TESC: variants seen among roughly 807,000 people sequenced by gnomAD.
The protein encoded by TESC is tescalcin, also known as calcineurin B homologous protein 3.
Under a neutral mutation model 31.0 loss-of-function variants are expected in TESC, and 19 were observed. That is an observed-to-expected ratio of 0.61 (90% confidence interval 0.43 to 0.90). The LOEUF is 0.90. Ranked by LOEUF, TESC falls within the 40% of genes least tolerant of loss-of-function variation. The pLI, the probability that TESC is intolerant of heterozygous loss-of-function variation, is 0.00. For missense variants in TESC, 248 were observed against 303.8 expected, an observed-to-expected ratio of 0.82 and a Z score of 1.36; for synonymous variants, 109 against 114.8, an observed-to-expected ratio of 0.95 and a Z score of 0.32.
intron 1 of TESC, among the ~76,000 whole-genome samples, chr12:117,083,304 C>T (rs1955173724): frequency 6.6e-6 from 1 of 152,180 alleles, no homozygotes; most frequent in Admixed American, 6.5e-5. Context: ...GCCTTGAACT[C>T]CTGATCTGAG....
At chr12:117,065,961 C>T (rs965203999) in intron 2 of TESC, among the ~76,000 whole-genome samples, 1 of 152,112 alleles carries the variant, frequency 6.6e-6, no homozygotes, top group African/African-American at 2.4e-5. Context: ...AAACCCAAGT[C>T]ATCACTAGGG....
chr12:117,064,470 C>T (rs1171065287), intron 2 of TESC, among the ~76,000 whole-genome samples: 1 of 152,216 alleles, frequency 6.6e-6, no homozygotes, highest in Non-Finnish European at 1.5e-5. Flanking sequence ...ATGTCAGTCC[C>T]CCACTTTCCC....
At chr12:117,061,762 G>A (rs1325854513) in intron 2 of TESC, among the ~76,000 whole-genome samples, 7 of 152,176 alleles carry the variant, frequency 4.6e-5, no homozygotes, top group African/African-American at 7.2e-5. Context: ...TGTGAGATGG[G>A]TGCAGACCTA....
At chr12:117,059,109 G>C (rs949907437) in intron 2 of TESC, among the ~76,000 whole-genome samples, 3 of 152,256 alleles carry the variant, frequency 2.0e-5, no homozygotes, top group African/African-American at 7.2e-5. Context: ...CGGGTGGGAA[G>C]TGATGACGGG....
chr12:117,072,476 C>A lies in TESC; in HGVS notation c.128+2795G>T, dbSNP rs141332263. On this transcript the variant is annotated intron_variant, in intron 2 of 7. Coordinates refer to ENST00000335209, the MANE Select transcript of TESC (RefSeq NM_017899.4). ...GCTCAGAGAAAGGAAGTAACCAGCC[C>A]GAAGCCACAAAGCCAATGGCATGAA... Among the ~76,000 whole-genome samples the A allele has an allele frequency of 5.7e-3, 863 of 152,250 alleles. 5 individuals are homozygous for A. The highest frequency in any genetic ancestry group is 0.019 in the African/African-American group (794 of 41,540).
At chr12:117,091,352 C>T (rs1445160419) in intron 1 of TESC, among the ~76,000 whole-genome samples, 8 of 152,224 alleles carry the variant, frequency 5.3e-5, no homozygotes, top group African/African-American at 1.9e-4. Flanking sequence ...TCCTAAAGTG[C>T]TTTGCAAAGG....
chr12:117,041,404 C>A (rs977010697), intron 7 of TESC, among the ~76,000 whole-genome samples: 1 of 152,028 alleles, frequency 6.6e-6, no homozygotes, highest in Non-Finnish European at 1.5e-5. Flanking sequence ...GCAATCTCAG[C>A]TTACTGCAAC....
At chr12:117,041,487 C>T (rs1371003868) in intron 7 of TESC, among the ~76,000 whole-genome samples, 1 of 152,162 alleles carries the variant, frequency 6.6e-6, no homozygotes, top group East Asian at 1.9e-4. Flanking sequence ...CGCCTGCCAC[C>T]ACGCTTGGCT....
At chr12:117,089,365 A>G (rs1955272901) in intron 1 of TESC, among the ~76,000 whole-genome samples, 1 of 152,222 alleles carries the variant, frequency 6.6e-6, no homozygotes, top group Non-Finnish European at 1.5e-5. Flanking sequence ...GGGAAGGGCC[A>G]AGGGGAGTTG....
In TESC at chr12:117,039,070, T is replaced by G; in HGVS notation, c.*63A>C. The G allele has an allele frequency of 6.3e-7, 1 of 1,577,604 alleles. No homozygotes were observed. Among genetic ancestry groups the G allele is most frequent in the Non-Finnish European group, 8.6e-7 (1 of 1,157,874 alleles). Reference sequence around the variant, plus strand: ...AGGCTGTCCGCCGGGCCTGGGCTGCTCCAGCTACGCGGGGAGGCGGCCCCA... The same window carrying G: ...AGGCTGTCCGCCGGGCCTGGGCTGCGCCAGCTACGCGGGGAGGCGGCCCCA... On this transcript the variant is annotated 3_prime_UTR_variant, in exon 8 of 8. Coordinates refer to ENST00000335209, the MANE Select transcript of TESC (RefSeq NM_017899.4).
At chr12:117,044,393 C>T (rs1447332515) in intron 6 of TESC, among the ~76,000 whole-genome samples, 1 of 152,202 alleles carries the variant, frequency 6.6e-6, no homozygotes, top group East Asian at 1.9e-4. Flanking sequence ...ACAGTGGCTG[C>T]CCTCCCTGCC....
intron 1 of TESC, among the ~76,000 whole-genome samples, chr12:117,080,734 C>T (rs1955134097): frequency 6.6e-6 from 1 of 152,186 alleles, no homozygotes; most frequent in Non-Finnish European, 1.5e-5. Flanking sequence ...TGGTGAGCTG[C>T]TTCCTCCTAA....
At position 117,075,318 on chromosome 12, in the gene TESC, C is replaced by T; in HGVS notation, c.81G>A (p.Gln27=). The part of the protein sequence containing the change: ...KTGFSSDQIE[Q]LHRRFKQLSG... ...TCAGCTGCTTAAATCTCCGATGGAG[C>T]TGCTCGATCTGATCCGATGAGACTG... Residue 27 remains glutamine, a synonymous_variant, in exon 2 of 8, where the codon CAG becomes CAA. Coordinates refer to ENST00000335209, the MANE Select transcript of TESC (RefSeq NM_017899.4). 1 of 1,611,182 alleles carries T rather than the reference C, an allele frequency of 6.2e-7. No individual in the cohort carries two copies. Among genetic ancestry groups the T allele is most frequent in the Admixed American group, 1.7e-5 (1 of 60,008 alleles).
chr12:117,047,372 C>T (rs955588469), intron 4 of TESC, among the ~76,000 whole-genome samples: 11 of 151,658 alleles, frequency 7.3e-5, no homozygotes, highest in Admixed American at 2.0e-4. Context: ...GTTCCCAGCA[C>T]GGCCTTGGGA....
At chr12:117,077,056 G>A (rs1156326061) in intron 1 of TESC, among the ~76,000 whole-genome samples, 1 of 152,148 alleles carries the variant, frequency 6.6e-6, no homozygotes, top group Admixed American at 6.6e-5. Flanking sequence ...TGTTACAGAG[G>A]CAGCTAATTT....
At chr12:117,088,942 C>A (rs1207884336) in intron 1 of TESC, among the ~76,000 whole-genome samples, 4 of 152,194 alleles carry the variant, frequency 2.6e-5, no homozygotes, top group African/African-American at 9.7e-5. Context: ...CAGGCTCCAA[C>A]AGCTAAGGGT....
chr12:117,049,160 T>C lies in TESC; in HGVS notation c.210-2A>G. 1 of 1,614,178 alleles carries C rather than the reference T, an allele frequency of 6.2e-7. No individual in the cohort carries two copies. ...CCACTGGGTCCCTTGCGCAGGTTCC[T>C]ACGGGAGCAACAAGGAGGGTGTTGG... On this transcript the variant is annotated splice_acceptor_variant, in intron 3 of 7. Coordinates refer to ENST00000335209, the MANE Select transcript of TESC (RefSeq NM_017899.4). LOFTEE classifies it high-confidence loss of function.
intron 1 of TESC, among the ~76,000 whole-genome samples, chr12:117,095,130 A>G (rs1955373509): frequency 6.6e-6 from 1 of 151,854 alleles, no homozygotes; most frequent in African/African-American, 2.4e-5. Context: ...GCTGGAGTAC[A>G]GTGGCATGCT....
At chr12:117,075,871 GTGTGTATATATATATATATATATATATA>G (rs1565971431) in intron 1 of TESC, among the ~76,000 whole-genome samples, 5 of 45,106 alleles carry the variant, frequency 1.1e-4, no homozygotes, top group Non-Finnish European at 1.8e-4. Flanking sequence ...ATATATATAT[GTGTGTATATATATATATATATATATATA>G]TATATATATA....
Sources: allele counts gnomAD v4.1 joint callset (sites outside exome capture counted in the v4.1 genomes callset), GRCh38; gene constraint gnomAD v4.1.1; transcripts MANE v1.5; gene names NCBI Gene and HGNC (gene_info 2026-07-23, HGNC 2026-07-21).